The following TBXAS1 variants were observed in gnomAD, a reference collection of about 807,000 sequenced individuals.
TBXAS1 encodes the protein thromboxane-A synthase.
Under a neutral mutation model 60.7 loss-of-function variants are expected in TBXAS1, and 48 were observed. That is an observed-to-expected ratio of 0.79 (90% confidence interval 0.63 to 1.01). The LOEUF (loss-of-function observed/expected upper bound fraction) is 1.01, where lower values mean the gene tolerates loss of function less well. Ranked by LOEUF, TBXAS1 falls within the 50% of genes least tolerant of loss-of-function variation. The pLI, the probability that TBXAS1 is intolerant of heterozygous loss-of-function variation, is 0.00. For synonymous variants in TBXAS1, 287 were observed against 269.7 expected (o/e 1.06, Z -0.63); for missense variants, 685 against 686.3 (o/e 1.00, Z 0.02).
chr7:139,875,552 C>T (rs970138435), intron 2 of TBXAS1, 33 bp from the exon 3 acceptor site: 1 of 1,601,148 alleles, frequency 6.2e-7, no homozygotes, highest in African/African-American at 1.3e-5. Context: ...TTTGCTTAAT[C>T]TTATTCTTAC....
At chr7:140,019,971 T>C in intron 12 of TBXAS1, 54 bp from the exon 13 acceptor site, 2 of 1,557,632 alleles carry the variant, frequency 1.3e-6, no homozygotes, top group Middle Eastern at 1.7e-4. Context: ...TCTTCATTTG[T>C]ACAGTGAGAT....
intron 8 of TBXAS1, among the ~76,000 whole-genome samples, chr7:139,960,062 C>T (rs1049951455): frequency 2.6e-5 from 4 of 152,200 alleles, no homozygotes; most frequent in African/African-American, 9.7e-5. Flanking sequence ...AATGAAGCCA[C>T]CAACTACCCC....
In TBXAS1 at chr7:139,829,400, T is replaced by C. The variant is rs771248110; in HGVS notation, c.10T>C (p.Leu4=). Residue 4 remains leucine (L), a synonymous_variant, in exon 1 of 13, where the codon TTG becomes CTG. Transcript: ENST00000448866. ...GGGTCTCAGAGGAATGATGGAAGCCTTGGGGTTTCTAAAATTGGAAGTGAA... is the reference window on the plus strand; with the variant it reads ...GGGTCTCAGAGGAATGATGGAAGCCCTGGGGTTTCTAAAATTGGAAGTGAA... The part of the protein sequence containing the change: MEA[L]GFLKLEVNGP... 1 of 1,613,748 alleles carries C rather than the reference T, an allele frequency of 6.2e-7. No individual in the cohort carries two copies. Among genetic ancestry groups the C allele is most frequent in the South Asian group, 1.1e-5 (1 of 90,918 alleles).
chr7:139,976,320 G>C (rs1811560794), intron 9 of TBXAS1, among the ~76,000 whole-genome samples: 1 of 152,162 alleles, frequency 6.6e-6, no homozygotes, highest in African/African-American at 2.4e-5. Context: ...AAATGGTTGG[G>C]AGCCGGGGGA....
chr7:140,006,589 T>C (rs1444330659), intron 9 of TBXAS1, among the ~76,000 whole-genome samples: 1 of 152,256 alleles, frequency 6.6e-6, no homozygotes, highest in Non-Finnish European at 1.5e-5. Flanking sequence ...CTTTGGTTTT[T>C]GTTACTGTTA....
rs578205674 is a variant in TBXAS1, at chr7:139,881,461, C to G, written c.236+5824C>G. ...GTTAGGGACACACCCTTTTTCCCCCCCTCCAGGAGGGTAGAGTTCCATCTG... is the reference window on the plus strand; with the variant it reads ...GTTAGGGACACACCCTTTTTCCCCCGCTCCAGGAGGGTAGAGTTCCATCTG... On this transcript the variant is annotated intron_variant, in intron 3 of 12. Coordinates refer to ENST00000448866, the MANE Select transcript of TBXAS1 (RefSeq NM_001061.7). 2.2e-4 allele frequency among the ~76,000 whole-genome samples: 32 copies of G among 147,586 alleles called. 1 individual carries two copies. Among genetic ancestry groups the G allele is most frequent in the Middle Eastern group, 6.8e-3 (2 of 292 alleles).
At chr7:139,903,161 G>T (rs1266842098) in intron 3 of TBXAS1, among the ~76,000 whole-genome samples, 1 of 151,958 alleles carries the variant, frequency 6.6e-6, no homozygotes, top group Non-Finnish European at 1.5e-5. Flanking sequence ...TGTCCTCATA[G>T]CTTAGTTCCC....
At chr7:139,961,158 C>T (rs551237596) in intron 8 of TBXAS1, among the ~76,000 whole-genome samples, 7 of 152,126 alleles carry the variant, frequency 4.6e-5, no homozygotes, top group East Asian at 1.9e-4. Flanking sequence ...TAGAGGGAAC[C>T]GATGTGAAGA....
intron 8 of TBXAS1, among the ~76,000 whole-genome samples, chr7:139,959,089 A>T (rs1810120129): frequency 6.6e-6 from 1 of 152,192 alleles, no homozygotes; most frequent in African/African-American, 2.4e-5. Context: ...AAACTGTTGC[A>T]TCGAATGACT....
At chr7:139,844,813 T>G (rs1799693280) in intron 1 of TBXAS1, among the ~76,000 whole-genome samples, 1 of 152,290 alleles carries the variant, frequency 6.6e-6, no homozygotes, top group South Asian at 2.1e-4. Flanking sequence ...ATTGGGAGGT[T>G]CTCAGGAGAA....
chr7:139,861,504 C>T (rs1800965083), intron 1 of TBXAS1, among the ~76,000 whole-genome samples: 1 of 150,738 alleles, frequency 6.6e-6, no homozygotes, highest in Admixed American at 6.6e-5. Flanking sequence ...CCTCCTTTGC[C>T]TTGGCCTCCC....
At chr7:140,005,428 C>CA (rs35568864) in intron 9 of TBXAS1, among the ~76,000 whole-genome samples, 1,617 of 148,700 alleles carry the variant, frequency 0.011, 43 homozygotes, top group African/African-American at 0.036. Context: ...GACTCTGTCT[C>CA]AAAAAAAAAA....
chr7:140,002,753 TG>T lies in TBXAS1; in HGVS notation c.1135-4336del, dbSNP rs1422690832. 2.6e-5 allele frequency among the ~76,000 whole-genome samples: 4 copies of T among 152,230 alleles called. No individual in the cohort carries two copies. The East Asian group carries it at 7.7e-4, about 29-fold the overall frequency. The stretch of plus-strand genomic sequence containing the variant: ...AGCCAGGGGGCTAAAAAGGGAGAGC[TG>T]GTGCCCAGGCCCCACCTCAGACCAA... On this transcript the variant is annotated intron_variant, in intron 9 of 12. Transcript: ENST00000448866.
intron 3 of TBXAS1, among the ~76,000 whole-genome samples, chr7:139,893,936 C>T (rs1261258159): frequency 1.3e-5 from 2 of 152,194 alleles, no homozygotes; most frequent in African/African-American, 4.8e-5. Flanking sequence ...CTCCTTTAGC[C>T]ATAGCTCTGT....
At chr7:139,939,780 C>G (rs1333408719) in intron 5 of TBXAS1, among the ~76,000 whole-genome samples, 1 of 152,030 alleles carries the variant, frequency 6.6e-6, no homozygotes. Flanking sequence ...ATAAAGAAGA[C>G]TCAGGAAGAA....
intron 1 of TBXAS1, among the ~76,000 whole-genome samples, chr7:139,832,867 A>G (rs1378973957): frequency 6.6e-6 from 1 of 152,236 alleles, no homozygotes; most frequent in Admixed American, 6.5e-5. Flanking sequence ...ACTAAGCATC[A>G]TGTATGAAGG....
chr7:139,947,375 G>A (rs1808809450), intron 5 of TBXAS1, among the ~76,000 whole-genome samples: 1 of 152,110 alleles, frequency 6.6e-6, no homozygotes, highest in South Asian at 2.1e-4. Context: ...GAGAACACAT[G>A]CGCATAAGGA....
chr7:139,955,555 CT>C lies in TBXAS1; in HGVS notation c.637del (p.Cys213AlafsTer23). 2.5e-6 allele frequency: 4 copies of C among 1,614,236 alleles called. No homozygotes were observed. Among genetic ancestry groups the C allele is most frequent in the Non-Finnish European group, 3.4e-6 (4 of 1,180,042 alleles). Reference protein sequence around the residue: ...QAPEDPFVKHCKRFFEFCIPR... With the variant: ...QAPEDPFVKHXKRFFEFCIPR... ...CCCCTGAGGATCCCTTTGTGAAACA[CT>C]GCAAGCGTTTCTTCGAATTCTGCAT... On this transcript the variant is annotated frameshift_variant, in exon 7 of 13. Coordinates refer to ENST00000448866, the MANE Select transcript of TBXAS1 (RefSeq NM_001061.7). LOFTEE classifies it high-confidence loss of function.
chr7:140,001,112 G>A (rs1454444389), intron 9 of TBXAS1, among the ~76,000 whole-genome samples: 1 of 152,212 alleles, frequency 6.6e-6, no homozygotes, highest in Non-Finnish European at 1.5e-5. Context: ...AGGTCAAGGG[G>A]AGGCGCTGCA....
Sources: allele counts gnomAD v4.1 joint callset (sites outside exome capture counted in the v4.1 genomes callset), GRCh38; gene constraint gnomAD v4.1.1; transcripts MANE v1.5; gene names NCBI Gene and HGNC (gene_info 2026-07-23, HGNC 2026-07-21).